Variants in PIGK observed in about 807,000 individuals in gnomAD.
The protein encoded by PIGK is phosphatidylinositol glycan anchor biosynthesis class K, also known as GPI-anchor transamidase.
In PIGK, 42 loss-of-function variants were observed where a neutral mutation model predicts 50.6. The observed-to-expected ratio is 0.83, with a 90% confidence interval of 0.65 to 1.07. The LOEUF (loss-of-function observed/expected upper bound fraction) is 1.07, where lower values mean the gene tolerates loss of function less well. Among genes scored for constraint, PIGK ranks in the 50% least tolerant of loss-of-function variants. PIGK has a pLI of 0.00. For missense variants in PIGK, 448 were observed against 488.7 expected (o/e 0.92, Z 0.78); for synonymous variants, 151 against 156.0 (o/e 0.97, Z 0.24).
intron 6 of PIGK, 95 bp from the exon 7 acceptor site, chr1:77,161,806 C>T (rs939296680): frequency 5.8e-6 from 4 of 693,166 alleles, no homozygotes; most frequent in Non-Finnish European, 1.0e-5. Context: ...TAAATCATAT[C>T]TTAGTCATTT....
intron 4 of PIGK, 84 bp from the exon 5 acceptor site, chr1:77,166,914 A>G (rs1655247778): frequency 2.8e-6 from 2 of 721,108 alleles, no homozygotes; most frequent in Admixed American, 5.6e-5. Context: ...AAAAATGTTC[A>G]TTGTTCTTTC....
intron 8 of PIGK, 126 bp from the exon 9 acceptor site, chr1:77,154,747 T>C: frequency 3.1e-6 from 2 of 647,612 alleles, no homozygotes; most frequent in Non-Finnish European, 5.3e-6. Context: ...AGCTATGTGT[T>C]CTAAAGACCT....
At chr1:77,114,022 T>C (rs1415339071) in intron 10 of PIGK, among the ~76,000 whole-genome samples, 1 of 152,136 alleles carries the variant, frequency 6.6e-6, no homozygotes, top group African/African-American at 2.4e-5. Context: ...GGATACTCAT[T>C]TGCTGAAGAA....
At chr1:77,162,669 G>A (rs1301146570) in intron 6 of PIGK, among the ~76,000 whole-genome samples, 1 of 152,146 alleles carries the variant, frequency 6.6e-6, no homozygotes, top group Non-Finnish European at 1.5e-5. Context: ...TTTCTGGGAA[G>A]TTTTTCTCAG....
At chr1:77,173,504 G>A (rs1277193097) in intron 3 of PIGK, among the ~76,000 whole-genome samples, 2 of 152,138 alleles carry the variant, frequency 1.3e-5, no homozygotes, top group African/African-American at 4.8e-5. Flanking sequence ...GGCTACTCAG[G>A]GAAGGGGAAC....
At chr1:77,122,149 T>G in intron 10 of PIGK, 126 bp downstream of exon 10, 1 of 583,268 alleles carries the variant, frequency 1.7e-6, no homozygotes, top group South Asian at 2.5e-5. Context: ...GTAGTCTAAA[T>G]AGGGATAGAC....
intron 10 of PIGK, 75 bp from the exon 11 acceptor site, chr1:77,092,565 A>G: frequency 2.4e-6 from 2 of 824,294 alleles, no homozygotes; most frequent in Non-Finnish European, 2.0e-6. Flanking sequence ...AACATTGATG[A>G]AAAAGATAAA....
intron 9 of PIGK, among the ~76,000 whole-genome samples, chr1:77,140,842 T>G (rs1268527085): frequency 6.6e-6 from 1 of 152,202 alleles, no homozygotes; most frequent in Non-Finnish European, 1.5e-5. Context: ...AAGCATAAGT[T>G]AGAGCTTTCC....
intron 10 of PIGK, among the ~76,000 whole-genome samples, chr1:77,113,682 G>A (rs1454403047): frequency 6.6e-6 from 1 of 152,040 alleles, no homozygotes; most frequent in Non-Finnish European, 1.5e-5. Context: ...ATTGAAAATT[G>A]CGTTATGAAT....
At chr1:77,197,099 A>G (rs1656055254) in intron 3 of PIGK, among the ~76,000 whole-genome samples, 2 of 152,192 alleles carry the variant, frequency 1.3e-5, no homozygotes, top group African/African-American at 4.8e-5. Context: ...TGCTAAACCA[A>G]TGCAATCAAC....
intron 9 of PIGK, among the ~76,000 whole-genome samples, chr1:77,132,421 A>G (rs1176368598): frequency 6.6e-6 from 1 of 151,950 alleles, no homozygotes; most frequent in Non-Finnish European, 1.5e-5. Flanking sequence ...GGACATTAGA[A>G]CACCCAACTT....
chr1:77,202,174 C>T (rs532919990), intron 3 of PIGK, among the ~76,000 whole-genome samples: 4 of 152,242 alleles, frequency 2.6e-5, no homozygotes, highest in South Asian at 2.1e-4. Flanking sequence ...TTTCCTTTCT[C>T]GTCTAGACTA....
intron 5 of PIGK, among the ~76,000 whole-genome samples, chr1:77,164,356 A>T (rs1655191624): frequency 1.3e-5 from 2 of 152,300 alleles, no homozygotes; most frequent in Non-Finnish European, 2.9e-5. Context: ...TTTGTATGCA[A>T]TCTAGAGGCA....
Position 77,126,381 on chromosome 1 carries a change from A to C in PIGK, c.987-4022T>G, listed in dbSNP as rs529198107. 3.3e-5 allele frequency among the ~76,000 whole-genome samples: 5 copies of C among 151,258 alleles called. No individual in the cohort carries two copies. The South Asian group carries it at 1.0e-3, about 31-fold the overall frequency. On this transcript the variant is annotated intron_variant, in intron 9 of 10. Coordinates refer to ENST00000370812, the MANE Select transcript of PIGK (RefSeq NM_005482.3). ...CAAGTTATCTTGCAATGGAGGGTGA[A>C]CGGAGGTAAGCTGACTTACTAGGTT... is the stretch of plus-strand genomic sequence containing the variant.
Position 77,129,118 on chromosome 1 carries a change from T to C in PIGK, c.987-6759A>G, listed in dbSNP as rs757240250. On this transcript the variant is annotated intron_variant, in intron 9 of 10. Coordinates refer to ENST00000370812, the MANE Select transcript of PIGK (RefSeq NM_005482.3). Reference sequence around the variant, plus strand: ...AGCCTGAGGTAATCTGTGAAAATGGTTCGCTACTCACTTGACCCGGAGAAC... The same window carrying C: ...AGCCTGAGGTAATCTGTGAAAATGGCTCGCTACTCACTTGACCCGGAGAAC... The C allele has an allele frequency of 9.6e-6, 10 of 1,044,114 alleles. No individual in the cohort carries two copies. The Admixed American group carries it at 1.7e-4, about 18-fold the overall frequency. 64.7% of individuals were successfully genotyped at this position (1,044,114 alleles called of 1,614,324 possible). A position where few individuals can be genotyped will look rare whatever the true frequency, so the allele number is the denominator to read the frequency against.
intron 9 of PIGK, among the ~76,000 whole-genome samples, chr1:77,145,691 A>G (rs1201282188): frequency 6.6e-6 from 1 of 152,074 alleles, no homozygotes; most frequent in Non-Finnish European, 1.5e-5. Flanking sequence ...TAAGAAACCT[A>G]CAAGCTGATT....
At chr1:77,128,976 A>T in intron 9 of PIGK, 1 of 606,524 alleles carries the variant, frequency 1.6e-6, no homozygotes. Context: ...AAAATTACAC[A>T]AAATTTGAAT....
At chr1:77,162,088 A>G (rs897785014) in intron 6 of PIGK, among the ~76,000 whole-genome samples, 6 of 152,244 alleles carry the variant, frequency 3.9e-5, no homozygotes, top group Non-Finnish European at 7.3e-5. Context: ...CAAAGAGCAT[A>G]AACTCTAAGT....
intron 9 of PIGK, among the ~76,000 whole-genome samples, chr1:77,125,408 G>C (rs887634755): frequency 4.6e-5 from 7 of 152,066 alleles, no homozygotes; most frequent in Non-Finnish European, 1.0e-4. Context: ...CAATTCACAA[G>C]TAATCTTGAG....
Sources: gnomAD v4.1 joint callset for allele counts (sites outside exome capture counted in the v4.1 genomes callset) on GRCh38, gnomAD v4.1.1 for gene constraint, MANE v1.5 for transcripts, NCBI Gene and HGNC (gene_info 2026-07-23, HGNC 2026-07-21) for gene names.